The following CSMD1 variants were observed in gnomAD, a reference collection of about 807,000 sequenced individuals.
CSMD1 encodes the protein CUB and Sushi multiple domains 1, also known as CUB and sushi domain-containing protein 1.
Under a neutral mutation model 417.5 loss-of-function variants are expected in CSMD1, and 213 were observed. The ratio of observed to expected loss-of-function variants is 0.51; its 90% CI spans 0.46 to 0.57. CSMD1 has a LOEUF of 0.57. CSMD1 is among the 20% of genes least tolerant of loss of function. The pLI is 0.00. For missense variants in CSMD1, 6,923 were observed against 4,529.7 expected, an observed-to-expected ratio of 1.53 and a Z score of -15.17; for synonymous variants, 2,862 against 1,736.8, an observed-to-expected ratio of 1.65 and a Z score of -16.11.
intron 3 of CSMD1, among the ~76,000 whole-genome samples, chr8:4,196,826 CTG>C (rs1185900406): frequency 6.6e-6 from 1 of 152,108 alleles, no homozygotes; most frequent in East Asian, 1.9e-4. Context: ...AATGAACACA[CTG>C]GGGGTGATAT....
At chr8:4,718,509 C>A (rs1375987485) in intron 1 of CSMD1, among the ~76,000 whole-genome samples, 1 of 151,276 alleles carries the variant, frequency 6.6e-6, no homozygotes, top group Non-Finnish European at 1.5e-5. Context: ...TTCCCGCTGT[C>A]AATTAATATT....
At chr8:3,689,748 A>C (rs2046200) in intron 7 of CSMD1, among the ~76,000 whole-genome samples, 29,903 of 152,124 alleles carry the variant, frequency 0.2, 3,905 homozygotes, top group African/African-American at 0.38. Context: ...CATGATCACT[A>C]AATAAAGCAG....
intron 2 of CSMD1, among the ~76,000 whole-genome samples, chr8:4,445,719 G>A (rs984310086): frequency 1.4e-4 from 21 of 152,164 alleles, no homozygotes; most frequent in African/African-American, 4.6e-4. Context: ...CTATTTGGGG[G>A]CGTAACGTTG....
At chr8:3,627,293 A>G (rs1157325531) in intron 7 of CSMD1, among the ~76,000 whole-genome samples, 1 of 152,186 alleles carries the variant, frequency 6.6e-6, no homozygotes, top group Admixed American at 6.5e-5. Flanking sequence ...TAGCTGCAAG[A>G]CACTTGGGAG....
chr8:4,245,640 C>A (rs921667277), intron 3 of CSMD1, among the ~76,000 whole-genome samples: 2 of 152,080 alleles, frequency 1.3e-5, no homozygotes, highest in Admixed American at 1.3e-4. Flanking sequence ...CCAAGGAAAT[C>A]TTGAATTCAG....
chr8:4,803,746 AT>A (rs545000985), intron 1 of CSMD1, among the ~76,000 whole-genome samples: 7 of 152,016 alleles, frequency 4.6e-5, no homozygotes, highest in South Asian at 4.1e-4. Flanking sequence ...TACTAATATA[AT>A]TTTTTTCAAA....
chr8:3,879,024 T>G (rs1806022944), intron 5 of CSMD1, among the ~76,000 whole-genome samples: 1 of 152,182 alleles, frequency 6.6e-6, no homozygotes, highest in African/African-American at 2.4e-5. Flanking sequence ...TTAGTATATT[T>G]TACCTCTGAA....
At chr8:3,800,162 C>T (rs1265264753) in intron 5 of CSMD1, among the ~76,000 whole-genome samples, 1 of 151,980 alleles carries the variant, frequency 6.6e-6, no homozygotes, top group Non-Finnish European at 1.5e-5. Flanking sequence ...GGAAAAAGAA[C>T]AAAAATCAGT....
intron 6 of CSMD1, among the ~76,000 whole-genome samples, chr8:3,714,110 A>G (rs1801685805): frequency 6.6e-6 from 1 of 150,518 alleles, no homozygotes; most frequent in African/African-American, 2.4e-5. Flanking sequence ...ATAAATGTAT[A>G]AAATATAAGT....
intron 1 of CSMD1, among the ~76,000 whole-genome samples, chr8:4,967,356 A>T (rs1474388780): frequency 6.6e-6 from 1 of 152,198 alleles, no homozygotes; most frequent in Non-Finnish European, 1.5e-5. Flanking sequence ...TTCTGAAGAA[A>T]AAAACAATAA....
chr8:4,883,214 G>A (rs1420594571), intron 1 of CSMD1, among the ~76,000 whole-genome samples: 2 of 152,024 alleles, frequency 1.3e-5, no homozygotes, highest in East Asian at 3.9e-4. Flanking sequence ...ACGTCTACCA[G>A]AGCAACATGG....
At chr8:3,505,466 T>A (rs553202077) in intron 10 of CSMD1, among the ~76,000 whole-genome samples, 1 of 152,236 alleles carries the variant, frequency 6.6e-6, no homozygotes, top group South Asian at 2.1e-4. Flanking sequence ...TCACGACTGA[T>A]TAAAGAGTTG....
chr8:3,304,186 T>A (rs964011898), intron 25 of CSMD1, among the ~76,000 whole-genome samples: 1 of 152,160 alleles, frequency 6.6e-6, no homozygotes, highest in African/African-American at 2.4e-5. Flanking sequence ...AATGATTACA[T>A]TTATATTAAG....
At chr8:4,383,426 C>G (rs773912078) in intron 3 of CSMD1, among the ~76,000 whole-genome samples, 1 of 152,124 alleles carries the variant, frequency 6.6e-6, no homozygotes, top group African/African-American at 2.4e-5. Flanking sequence ...TCCGTTAAGT[C>G]CAGCCAGATA....
chr8:4,561,626 G>T (rs570467851), intron 2 of CSMD1, among the ~76,000 whole-genome samples: 8 of 152,238 alleles, frequency 5.3e-5, no homozygotes, highest in African/African-American at 2.4e-5. Context: ...AGGCCGCAGT[G>T]AGCCATGAAT....
intron 3 of CSMD1, among the ~76,000 whole-genome samples, chr8:4,155,378 G>A (rs541436885): frequency 3.9e-5 from 6 of 152,178 alleles, no homozygotes; most frequent in Non-Finnish European, 5.9e-5. Context: ...CTAATGCTCT[G>A]CTGTAGATCA....
rs567984796 is a variant in CSMD1, at chr8:3,452,412, C to T, written c.1561+16300G>A. On this transcript the variant is annotated intron_variant, in intron 12 of 69. Coordinates refer to ENST00000635120, the MANE Select transcript of CSMD1 (RefSeq NM_033225.6). The stretch of plus-strand genomic sequence containing the variant: ...CTTGTGCCAGTTTTGAAAGGGAATG[C>T]TTCCAGTTTTTGCCCCTTCAGTATG... 9.5e-4 allele frequency among the ~76,000 whole-genome samples: 145 copies of T among 152,280 alleles called. 1 individual carries two copies. The highest frequency in any genetic ancestry group is 3.4e-3 in the African/African-American group (141 of 41,548).
chr8:3,059,697 A>T lies in CSMD1; in HGVS notation c.7475-7050T>A, dbSNP rs536928913. Among the ~76,000 whole-genome samples the T allele has an allele frequency of 2.6e-5, 4 of 152,262 alleles. No individual in the cohort carries two copies. In the East Asian group the frequency reaches 7.7e-4, roughly 29 times the overall value. ...TGAGTGGGGCAGACGTAGGAAGCCC[A>T]GTAGGGCAGCCCATGAGAGAGAGGA... On this transcript the variant is annotated intron_variant, in intron 49 of 69. Transcript: ENST00000635120.
At position 4,701,091 on chromosome 8, in the gene CSMD1, G is replaced by A. The variant is rs185934983; in HGVS notation, c.86-63533C>T. On this transcript the variant is annotated intron_variant, in intron 1 of 69. Coordinates refer to ENST00000635120, the MANE Select transcript of CSMD1 (RefSeq NM_033225.6). ...ATGAGTTTTATTGAAATTAAGGGTA[G>A]AGTTAGGATGAAAGGTGAATGTTGC... Among the ~76,000 whole-genome samples the A allele has an allele frequency of 2.7e-3, 412 of 152,226 alleles. 5 individuals are homozygous for A. Among genetic ancestry groups the A allele is most frequent in the African/African-American group, 9.6e-3 (398 of 41,550 alleles).
Sources: gnomAD v4.1 joint callset for allele counts (sites outside exome capture counted in the v4.1 genomes callset) on GRCh38, gnomAD v4.1.1 for gene constraint, MANE v1.5 for transcripts, NCBI Gene and HGNC (gene_info 2026-07-23, HGNC 2026-07-21) for gene names.